The following MAP3K5 variants were observed in gnomAD, a reference collection of about 807,000 sequenced individuals.
The protein encoded by MAP3K5 is ASK-1.
Under a neutral mutation model 158.7 loss-of-function variants are expected in MAP3K5, and 56 were observed. That is an observed-to-expected ratio of 0.35 (90% confidence interval 0.28 to 0.44). MAP3K5 has a LOEUF of 0.44. MAP3K5 is among the 20% of genes least tolerant of loss of function. MAP3K5 has a pLI of 1.00. For missense variants in MAP3K5, 1,294 were observed against 1,674.8 expected, an observed-to-expected ratio of 0.77 and a Z score of 3.97; for synonymous variants, 579 against 601.7, an observed-to-expected ratio of 0.96 and a Z score of 0.55.
At position 136,622,978 on chromosome 6, in the gene MAP3K5, C is replaced by A; in HGVS notation, c.2020G>T (p.Asp674Tyr). ...TCACCATTTTCATCATATTCATAGT[C>A]ATACTACAAAAGGAAAAACGGGGAG... ...GDCESDLLEY[D>Y]YEYDENGDRV... The change falls in exon 15 of 30, where the codon GAC becomes TAC. Residue 674 changes from aspartate to tyrosine, a missense_variant. Physicochemically the swap from Asp to Tyr is radical, Grantham distance 160. This residue lies in a region of MAP3K5 where 690 missense variants were observed against 870.5 expected (regional missense o/e 0.79). Coordinates refer to ENST00000359015, the MANE Select transcript of MAP3K5 (RefSeq NM_005923.4). 6.2e-7 allele frequency: 1 copy of A among 1,613,166 alleles called. No homozygotes were observed. The highest frequency in any genetic ancestry group is 1.1e-5 in the South Asian group (1 of 90,820).
chr6:136,612,630 A>C (rs189376095), intron 17 of MAP3K5, among the ~76,000 whole-genome samples: 1 of 152,320 alleles, frequency 6.6e-6, no homozygotes. Context: ...TTATTATTTT[A>C]GCTTATTTTA....
intron 7 of MAP3K5, among the ~76,000 whole-genome samples, chr6:136,691,542 C>G (rs1414048708): frequency 6.6e-6 from 1 of 150,994 alleles, no homozygotes; most frequent in African/African-American, 2.4e-5. Context: ...ACCCCGGAGG[C>G]AGAGGTTGCA....
At chr6:136,646,887 T>G (rs1239383068) in intron 11 of MAP3K5, among the ~76,000 whole-genome samples, 2 of 152,246 alleles carry the variant, frequency 1.3e-5, no homozygotes, top group Non-Finnish European at 2.9e-5. Flanking sequence ...CTTGGAGTCT[T>G]GCCATTAGTT....
At chr6:136,657,490 T>C (rs1366777080) in intron 9 of MAP3K5, among the ~76,000 whole-genome samples, 1 of 152,220 alleles carries the variant, frequency 6.6e-6, no homozygotes, top group Non-Finnish European at 1.5e-5. Flanking sequence ...TGACTCAATA[T>C]CATGCGTGCA....
intron 7 of MAP3K5, among the ~76,000 whole-genome samples, chr6:136,682,475 C>A (rs1407177649): frequency 6.6e-6 from 1 of 152,112 alleles, no homozygotes; most frequent in Non-Finnish European, 1.5e-5. Context: ...TAGAGCCAAC[C>A]CCATTAATAA....
intron 1 of MAP3K5, among the ~76,000 whole-genome samples, chr6:136,769,308 T>A (rs1031312339): frequency 6.6e-6 from 1 of 152,128 alleles, no homozygotes; most frequent in Non-Finnish European, 1.5e-5. Context: ...TAGGCAAATT[T>A]ACGGAGACAG....
At position 136,756,902 on chromosome 6, in the gene MAP3K5, G is replaced by C. The variant is rs544884004; in HGVS notation, c.448+34808C>G. Among the ~76,000 whole-genome samples, 5 of 152,284 alleles carry C rather than the reference G, an allele frequency of 3.3e-5. No individual in the cohort carries two copies. In the East Asian group the frequency reaches 9.6e-4, roughly 29 times the overall value. On this transcript the variant is annotated intron_variant, in intron 1 of 29. Transcript: ENST00000359015. ...ATCTCATTAGGAAGACTGACCCCAA[G>C]ACTCCAAGAGACACTTTCTCAAGTG...
At chr6:136,772,239 G>A (rs9402846) in intron 1 of MAP3K5, among the ~76,000 whole-genome samples, 5 of 151,378 alleles carry the variant, frequency 3.3e-5, no homozygotes, top group African/African-American at 1.2e-4. Flanking sequence ...TTATTTTGAG[G>A]GGGGGGGAGA....
At chr6:136,751,621 T>A (rs1259427245) in intron 1 of MAP3K5, among the ~76,000 whole-genome samples, 1 of 152,214 alleles carries the variant, frequency 6.6e-6, no homozygotes, top group Non-Finnish European at 1.5e-5. Context: ...TTTATGAAGT[T>A]TAAAGATGTG....
At chr6:136,648,849 CTG>C (rs1778391392) in intron 11 of MAP3K5, among the ~76,000 whole-genome samples, 1 of 152,166 alleles carries the variant, frequency 6.6e-6, no homozygotes, top group South Asian at 2.1e-4. Flanking sequence ...TATGGACATG[CTG>C]TGTTGTTTTC....
intron 11 of MAP3K5, among the ~76,000 whole-genome samples, chr6:136,649,295 C>T (rs1778415317): frequency 6.6e-6 from 1 of 152,192 alleles, no homozygotes; most frequent in Admixed American, 6.5e-5. Context: ...ATTAAACCAG[C>T]TCCCTGGGTG....
At chr6:136,728,794 T>A (rs1045299308) in intron 1 of MAP3K5, among the ~76,000 whole-genome samples, 1 of 152,236 alleles carries the variant, frequency 6.6e-6, no homozygotes, top group Non-Finnish European at 1.5e-5. Context: ...AGTGTTTTGC[T>A]GGCTTTCTGT....
At chr6:136,606,372 G>T (rs1490057694) in intron 18 of MAP3K5, among the ~76,000 whole-genome samples, 1 of 151,970 alleles carries the variant, frequency 6.6e-6, no homozygotes, top group Non-Finnish European at 1.5e-5. Context: ...CAAACAAAAA[G>T]AATACAATGA....
intron 1 of MAP3K5, among the ~76,000 whole-genome samples, chr6:136,753,817 G>C (rs932685442): frequency 1.3e-5 from 2 of 152,172 alleles, no homozygotes; most frequent in African/African-American, 4.8e-5. Context: ...TGCACTTGAG[G>C]GTAGATGGTG....
chr6:136,789,205 G>A (rs1784967769), intron 1 of MAP3K5, among the ~76,000 whole-genome samples: 1 of 152,216 alleles, frequency 6.6e-6, no homozygotes. Flanking sequence ...AGCTACTCGG[G>A]AGGCTGAGGC....
At chr6:136,714,624 C>T (rs1257166191) in intron 2 of MAP3K5, among the ~76,000 whole-genome samples, 1 of 152,130 alleles carries the variant, frequency 6.6e-6, no homozygotes, top group African/African-American at 2.4e-5. Context: ...ATGTGGGTTG[C>T]TTCCACCTTT....
intron 2 of MAP3K5, among the ~76,000 whole-genome samples, chr6:136,712,819 T>G (rs939291453): frequency 3.9e-5 from 6 of 152,234 alleles, no homozygotes; most frequent in African/African-American, 9.6e-5. Flanking sequence ...TCTCACGAGG[T>G]CTGATGATTT....
At chr6:136,621,728 C>T (rs542507162) in intron 15 of MAP3K5, among the ~76,000 whole-genome samples, 21 of 152,286 alleles carry the variant, frequency 1.4e-4, no homozygotes, top group African/African-American at 4.6e-4. Flanking sequence ...TTTGGTTAGG[C>T]TCCGGTAAAA....
At chr6:136,656,837 G>C (rs538102505) in intron 9 of MAP3K5, among the ~76,000 whole-genome samples, 1 of 152,158 alleles carries the variant, frequency 6.6e-6, no homozygotes, top group Non-Finnish European at 1.5e-5. Flanking sequence ...GGCCAGGCTG[G>C]TCTCGAACTC....
Sources: allele counts gnomAD v4.1 joint callset (sites outside exome capture counted in the v4.1 genomes callset), GRCh38; gene constraint gnomAD v4.1.1; regional missense constraint gnomAD v4.1.1; transcripts MANE v1.5; gene names NCBI Gene and HGNC (gene_info 2026-07-23, HGNC 2026-07-21).